The following DLGAP2 variants were observed in gnomAD, a reference collection of about 807,000 sequenced individuals.
DLGAP2 encodes the protein DLG associated protein 2.
Under a neutral mutation model 100.3 loss-of-function variants are expected in DLGAP2, and 26 were observed. That is an observed-to-expected ratio of 0.26 (90% CI 0.19 to 0.36). DLGAP2 has a LOEUF of 0.36. Among genes scored for constraint, DLGAP2 ranks in the 10% least tolerant of loss-of-function variants. The probability of loss-of-function intolerance (pLI) is 1.00; values close to 1 mark genes in which losing one functional copy is unlikely to be tolerated. For synonymous variants in DLGAP2, 886 were observed against 630.1 expected, an observed-to-expected ratio of 1.41 and a Z score of -6.08; for missense variants, 1,858 against 1,453.2, an observed-to-expected ratio of 1.28 and a Z score of -4.53.
At chr8:921,573 C>T (rs946690722) in intron 2 of DLGAP2, among the ~76,000 whole-genome samples, 1 of 152,264 alleles carries the variant, frequency 6.6e-6, no homozygotes, top group Non-Finnish European at 1.5e-5. Flanking sequence ...TTCCCATAGA[C>T]AGTCTGTGGG....
At chr8:1,275,836 A>G (rs1443545191) in intron 3 of DLGAP2, among the ~76,000 whole-genome samples, 5 of 123,208 alleles carry the variant, frequency 4.1e-5, no homozygotes, top group East Asian at 2.1e-4. Flanking sequence ...AAATAAATAT[A>G]TAATATATAA....
chr8:1,227,931 A>G (rs1798455194), intron 2 of DLGAP2, among the ~76,000 whole-genome samples: 1 of 152,226 alleles, frequency 6.6e-6, no homozygotes, highest in Admixed American at 6.5e-5. Context: ...AAAATGGGTA[A>G]CTATGTGAGA....
At chr8:1,249,364 G>A (rs968316940) in intron 2 of DLGAP2, among the ~76,000 whole-genome samples, 1 of 152,150 alleles carries the variant, frequency 6.6e-6, no homozygotes, top group Non-Finnish European at 1.5e-5. Flanking sequence ...CACTGTCACT[G>A]TGCTTCCCAT....
At chr8:1,065,753 G>A (rs959697556) in intron 2 of DLGAP2, among the ~76,000 whole-genome samples, 2 of 152,212 alleles carry the variant, frequency 1.3e-5, no homozygotes, top group African/African-American at 4.8e-5. Flanking sequence ...TTTGCTCCTT[G>A]TGGGGGCAGT....
At chr8:1,193,870 C>G (rs1032030812) in intron 2 of DLGAP2, among the ~76,000 whole-genome samples, 1 of 152,106 alleles carries the variant, frequency 6.6e-6, no homozygotes, top group Non-Finnish European at 1.5e-5. Context: ...CTAGAGCCTC[C>G]GCACCGCGCC....
chr8:1,366,397 T>C (rs1484014949), intron 3 of DLGAP2, among the ~76,000 whole-genome samples: 3 of 152,122 alleles, frequency 2.0e-5, no homozygotes, highest in African/African-American at 7.2e-5. Flanking sequence ...TGCAAGGGCA[T>C]GTTGTGAGAG....
At chr8:970,246 A>G (rs534744391) in intron 2 of DLGAP2, among the ~76,000 whole-genome samples, 1 of 152,328 alleles carries the variant, frequency 6.6e-6, no homozygotes, top group East Asian at 1.9e-4. Context: ...TAGAGTTATA[A>G]AAATTGATGG....
At chr8:1,669,474 C>T (rs527927854) in intron 9 of DLGAP2, among the ~76,000 whole-genome samples, 51 of 152,356 alleles carry the variant, frequency 3.3e-4, no homozygotes, top group Non-Finnish European at 5.7e-4. Flanking sequence ...CGTGGTTGAG[C>T]AGGGCTGGCC....
intron 6 of DLGAP2, among the ~76,000 whole-genome samples, chr8:1,623,500 A>T (rs1373064040): frequency 6.6e-6 from 1 of 151,598 alleles, no homozygotes; most frequent in Non-Finnish European, 1.5e-5. Flanking sequence ...ACCTGGCACC[A>T]GTGCGTGATG....
At chr8:1,577,567 C>CAAAAAAAA (rs10646663) in intron 6 of DLGAP2, among the ~76,000 whole-genome samples, 167 of 105,786 alleles carry the variant, frequency 1.6e-3, no homozygotes, top group Non-Finnish European at 1.8e-3. Flanking sequence ...CACTCTCTCT[C>CAAAAAAAA]AAAAAAAAAA....
intron 1 of DLGAP2, among the ~76,000 whole-genome samples, chr8:809,068 G>A (rs1796321413): frequency 1.3e-5 from 2 of 151,932 alleles, no homozygotes; most frequent in African/African-American, 4.8e-5. Flanking sequence ...CACCACGCCT[G>A]GCTAATTTTT....
intron 8 of DLGAP2, among the ~76,000 whole-genome samples, chr8:1,653,007 C>T (rs181886654): frequency 7.2e-5 from 11 of 152,362 alleles, no homozygotes; most frequent in Admixed American, 7.2e-4. Context: ...AGAGGACTGT[C>T]ATGGGCCTTT....
At chr8:1,184,807 G>A (rs1249617205) in intron 2 of DLGAP2, among the ~76,000 whole-genome samples, 1 of 152,114 alleles carries the variant, frequency 6.6e-6, no homozygotes, top group Non-Finnish European at 1.5e-5. Flanking sequence ...TCCAGGCCTG[G>A]GCTAAGTGCT....
chr8:1,151,222 C>T (rs1017243210), intron 2 of DLGAP2, among the ~76,000 whole-genome samples: 10 of 152,128 alleles, frequency 6.6e-5, no homozygotes, highest in African/African-American at 2.4e-4. Context: ...CAGCTGGAGT[C>T]TGCCAATTAA....
intron 6 of DLGAP2, among the ~76,000 whole-genome samples, chr8:1,604,101 A>G (rs2957075): frequency 0.3 from 46,207 of 151,992 alleles, 7,296 homozygotes; most frequent in East Asian, 0.5. Flanking sequence ...AGGCACAAAG[A>G]TGAATGACCC....
rs117930365 is a variant in DLGAP2 at position 1,216,723 on chromosome 8, T to G, written c.74-42128T>G. Reference sequence around the variant, plus strand: ...GATCTCATATTACCTAGCCCTCCCTTTCTCTCTCATAACTGTTCATACATC... The same window carrying G: ...GATCTCATATTACCTAGCCCTCCCTGTCTCTCTCATAACTGTTCATACATC... On this transcript the variant is annotated intron_variant, in intron 2 of 14. Coordinates refer to ENST00000637795, the MANE Select transcript of DLGAP2 (RefSeq NM_001346810.2). Among the ~76,000 whole-genome samples the G allele has an allele frequency of 1.9e-3, 289 of 152,198 alleles. 1 individual carries two copies. The East Asian group carries it at 0.029, about 15-fold the overall frequency.
At chr8:1,257,068 G>A (rs985762102) in intron 2 of DLGAP2, among the ~76,000 whole-genome samples, 5 of 151,930 alleles carry the variant, frequency 3.3e-5, no homozygotes, top group Admixed American at 6.6e-5. Flanking sequence ...ACCGGCGCCC[G>A]TGAAGGCAGG....
chr8:1,105,456 T>TTCTGGTCC (rs1804725141), intron 2 of DLGAP2, among the ~76,000 whole-genome samples: 1 of 152,118 alleles, frequency 6.6e-6, no homozygotes. Flanking sequence ...CCTAACATGG[T>TTCTGGTCC]TCTGGTCCGT....
intron 2 of DLGAP2, among the ~76,000 whole-genome samples, chr8:1,200,909 G>A (rs533946175): frequency 1.3e-5 from 2 of 152,352 alleles, no homozygotes; most frequent in Admixed American, 6.5e-5. Context: ...TCTCCACGCC[G>A]CCTCCGGGCG....
Sources: gnomAD v4.1 joint callset for allele counts (sites outside exome capture counted in the v4.1 genomes callset) on GRCh38, gnomAD v4.1.1 for gene constraint, MANE v1.5 for transcripts, NCBI Gene and HGNC (gene_info 2026-07-23, HGNC 2026-07-21) for gene names.